GSE1: variants seen among roughly 807,000 people sequenced by gnomAD.
GSE1 encodes the protein genetic suppressor element 1.
In GSE1, 32 loss-of-function variants were observed where a neutral mutation model predicts 112.6. The observed-to-expected ratio is 0.28, with a 90% CI of 0.21 to 0.38. GSE1 has a LOEUF of 0.38. Ranked by LOEUF, GSE1 falls within the 10% of genes least tolerant of loss-of-function variation. GSE1 has a pLI of 1.00. For synonymous variants in GSE1, 1,115 were observed against 735.6 expected, an observed-to-expected ratio of 1.52 and a Z score of -8.35; for missense variants, 2,348 against 1,699.2, an observed-to-expected ratio of 1.38 and a Z score of -6.71.
chr16:85,646,778 C>T (rs2151858248), intron 2 of GSE1, among the ~76,000 whole-genome samples: 1 of 152,156 alleles, frequency 6.6e-6, no homozygotes, highest in African/African-American at 2.4e-5. Flanking sequence ...CTGGGCAGGG[C>T]TCTTGACCCC....
At chr16:85,171,123 C>T in exon 1 of GSE1, 2 of 985,708 alleles carry the variant, frequency 2.0e-6, no homozygotes, top group South Asian at 4.7e-5. Context: ...AAGTCCGCAG[C>T]TGCCCCAAGT....
rs550902376 is a variant in GSE1, at chr16:85,413,443, G to A, written c.2464+55800G>A. On this transcript the variant is annotated intron_variant, in intron 2 of 2. Coordinates refer to the GSE1 transcript ENST00000637419. Reference sequence around the variant, plus strand: ...CCCAAGCATGGCGGCCTGCTCTCCCGGGTGACCGTGGAGCACCATCTTCCA... The same window carrying A: ...CCCAAGCATGGCGGCCTGCTCTCCCAGGTGACCGTGGAGCACCATCTTCCA... Among the ~76,000 whole-genome samples, 9 of 152,092 alleles carry A rather than the reference G, an allele frequency of 5.9e-5. No homozygotes were observed. The South Asian group carries it at 6.2e-4, about 11-fold the overall frequency.
At chr16:85,346,893 G>A (rs2046754456) in intron 1 of GSE1, among the ~76,000 whole-genome samples, 1 of 152,022 alleles carries the variant, frequency 6.6e-6, no homozygotes, top group African/African-American at 2.4e-5. Context: ...TGAGCGGATG[G>A]ATGGTGGACA....
chr16:85,182,464 G>T (rs531342253), intron 1 of GSE1, among the ~76,000 whole-genome samples: 1 of 152,298 alleles, frequency 6.6e-6, no homozygotes, highest in African/African-American at 2.4e-5. Context: ...AGGGGGGATC[G>T]CTGCTTCTCC....
chr16:85,261,852 G>A lies in GSE1; in HGVS notation c.2283+90045G>A, dbSNP rs76682046. Among the ~76,000 whole-genome samples, 248 of 152,298 alleles carry A rather than the reference G, an allele frequency of 1.6e-3. 2 individuals are homozygous for A. The highest frequency in any genetic ancestry group is 5.9e-3 in the African/African-American group (246 of 41,564). ...TTCTGCAGCTGGGCAGCAGTGGGGC[G>A]TATCAGCACCTGTGATTTGGTGCCC... On this transcript the variant is annotated intron_variant, in intron 1 of 2. Transcript: ENST00000637419.
At chr16:85,647,555 C>G (rs888836232) in intron 2 of GSE1, among the ~76,000 whole-genome samples, 1 of 152,204 alleles carries the variant, frequency 6.6e-6, no homozygotes, top group African/African-American at 2.4e-5. Context: ...CACTGCATCC[C>G]TGCTTGGCTG....
chr16:85,320,594 C>T (rs2046085470), intron 1 of GSE1, among the ~76,000 whole-genome samples: 2 of 152,302 alleles, frequency 1.3e-5, no homozygotes, highest in South Asian at 4.1e-4. Flanking sequence ...CACGCCCGGC[C>T]TGTATCCTCT....
intron 1 of GSE1, among the ~76,000 whole-genome samples, chr16:85,284,779 T>C (rs1419609071): frequency 1.3e-5 from 2 of 152,096 alleles, no homozygotes; most frequent in Non-Finnish European, 2.9e-5. Flanking sequence ...CACACACAGC[T>C]CACCTTCAGC....
chr16:85,459,440 C>T (rs912417848), intron 2 of GSE1, among the ~76,000 whole-genome samples: 6 of 152,210 alleles, frequency 3.9e-5, no homozygotes, highest in Non-Finnish European at 7.3e-5. Flanking sequence ...GTGCAGTGAA[C>T]AATCTGGACG....
chr16:85,390,269 G>C (rs1235771836), intron 2 of GSE1, among the ~76,000 whole-genome samples: 2 of 152,102 alleles, frequency 1.3e-5, no homozygotes, highest in Non-Finnish European at 2.9e-5. Flanking sequence ...GCACGGTTCT[G>C]CTGGCGTTGG....
In GSE1 at chr16:85,373,600, C is replaced by A. The variant is rs1237668288; in HGVS notation, c.2464+15957C>A. 6.6e-6 allele frequency among the ~76,000 whole-genome samples: 1 copy of A among 152,122 alleles called. No individual in the cohort carries two copies. The highest frequency in any genetic ancestry group is 1.5e-5 in the Non-Finnish European group (1 of 68,006). On this transcript the variant is annotated intron_variant, in intron 2 of 2. Transcript: ENST00000637419. The surrounding 1 kb of genome is among the most constrained non-coding windows in gnomAD (Gnocchi z 5.1). ...GACCGCATCGCTACTATGTGTCCTC[C>A]CAGCCTGGAGTGAGTGTCTGGGAGG... is the stretch of plus-strand genomic sequence containing the variant.
chr16:85,245,157 G>A (rs1905501344), intron 1 of GSE1, among the ~76,000 whole-genome samples: 1 of 149,254 alleles, frequency 6.7e-6, no homozygotes, highest in Non-Finnish European at 1.5e-5. Context: ...GTGAGACCCT[G>A]TCTCAAGAAA....
At chr16:85,658,804 CT>C (rs1016508698) in intron 8 of GSE1, among the ~76,000 whole-genome samples, 5 of 151,990 alleles carry the variant, frequency 3.3e-5, no homozygotes, top group African/African-American at 1.2e-4. Flanking sequence ...CTGTAGGCAT[CT>C]TCTTCCTCAG....
Position 85,270,466 on chromosome 16 carries a change from A to G in GSE1, c.2284-86997A>G, listed in dbSNP as rs570934960. ...GCCCCTGTAGACATTCGGCACAGCA[A>G]GCCTGGGATGCTTCGGTAGCCAGAG... On this transcript the variant is annotated intron_variant, in intron 1 of 2. Transcript: ENST00000637419. Among the ~76,000 whole-genome samples, 2 of 149,094 alleles carry G rather than the reference A, an allele frequency of 1.3e-5. 1 individual carries two copies. Among genetic ancestry groups the G allele is most frequent in the Non-Finnish European group, 3.0e-5 (2 of 66,168 alleles).
In GSE1 at chr16:85,373,237, G is replaced by C. The variant is rs2047340124; in HGVS notation, c.2464+15594G>C. Reference sequence around the variant, plus strand: ...GCCCAGCTGCCTCGAGGTGCTCCCAGGGATGGATCGCTCCATGCTGGGATC... The same window carrying C: ...GCCCAGCTGCCTCGAGGTGCTCCCACGGATGGATCGCTCCATGCTGGGATC... On this transcript the variant is annotated intron_variant, in intron 2 of 2. Coordinates refer to the GSE1 transcript ENST00000637419. This position sits in a 1 kb window ranked among gnomAD's most constrained non-coding sequence, Gnocchi z 5.1. Among the ~76,000 whole-genome samples the C allele has an allele frequency of 6.6e-6, 1 of 152,220 alleles. No homozygotes were observed.
In GSE1 at chr16:85,648,679, C is replaced by G; in HGVS notation, c.354C>G (p.Pro118=). ...TCCCCCCTGGGGGCCACAGCGTGCCCAGCACCCCCCCCGTGGTGACCATCG... is the reference window on the plus strand; with the variant it reads ...TCCCCCCTGGGGGCCACAGCGTGCCGAGCACCCCCCCCGTGGTGACCATCG... ...IIVPPGGHSV[P]STPPVVTIAP... The change falls in exon 3 of 16, where the codon CCC becomes CCG. Residue 118 remains proline, a synonymous_variant. Transcript: ENST00000253458. The G allele has an allele frequency of 1.9e-6, 3 of 1,608,048 alleles. No homozygotes were observed. In the South Asian group the frequency reaches 3.3e-5, roughly 18 times the overall value.
intron 2 of GSE1, among the ~76,000 whole-genome samples, chr16:85,524,946 C>A (rs1037215195): frequency 6.6e-6 from 1 of 152,192 alleles, no homozygotes; most frequent in African/African-American, 2.4e-5. Flanking sequence ...CAGGATTAAA[C>A]ATGAATGAGT....
rs149154841 is a variant in GSE1 at position 85,497,045 on chromosome 16, C to T, written c.2465-136869C>T. 5.2e-3 allele frequency among the ~76,000 whole-genome samples: 790 copies of T among 152,232 alleles called. 4 individuals are homozygous for T. The highest frequency in any genetic ancestry group is 0.018 in the African/African-American group (739 of 41,542). ...TCCCGAGTAGCTGGGATCACAGGCACGTGCCACCACGCCCCGCTAAGTTTT... is the reference window on the plus strand; with the variant it reads ...TCCCGAGTAGCTGGGATCACAGGCATGTGCCACCACGCCCCGCTAAGTTTT... On this transcript the variant is annotated intron_variant, in intron 2 of 2. Transcript: ENST00000637419.
At chr16:85,560,337 A>C (rs1199073664) in intron 1 of GSE1, among the ~76,000 whole-genome samples, 2 of 151,860 alleles carry the variant, frequency 1.3e-5, no homozygotes, top group Admixed American at 6.6e-5. Flanking sequence ...GGGTTTTACC[A>C]TGTTAGCCAG....
Sources: allele counts gnomAD v4.1 joint callset (sites outside exome capture counted in the v4.1 genomes callset), GRCh38; gene constraint gnomAD v4.1.1; non-coding constraint Gnocchi (gnomAD v3.1); transcripts MANE v1.5; gene names NCBI Gene and HGNC (gene_info 2026-07-23, HGNC 2026-07-21).